The following FAM240B variants were observed in gnomAD, a reference collection of about 807,000 sequenced individuals.
FAM240B encodes the protein family with sequence similarity 240 member B, also known as protein FAM240B.
At chr9:38,699,086 A>G (rs1259069492) in intron 2 of FAM240B, among the ~76,000 whole-genome samples, 1 of 152,238 alleles carries the variant, frequency 6.6e-6, no homozygotes, top group African/African-American at 2.4e-5. Context: ...TTTTACCTTC[A>G]GCCTAGAAAT....
intron 2 of FAM240B, among the ~76,000 whole-genome samples, chr9:38,701,124 G>A (rs1335904545): frequency 1.3e-5 from 2 of 152,168 alleles, no homozygotes; most frequent in Non-Finnish European, 2.9e-5. Flanking sequence ...TTTTATAAAT[G>A]GAGGGTAGAA....
chr9:38,715,329 T>C (rs1171334967), intron 1 of FAM240B, among the ~76,000 whole-genome samples: 2 of 152,254 alleles, frequency 1.3e-5, no homozygotes, highest in Admixed American at 6.5e-5. Context: ...CAACATGTAC[T>C]TTCCCAATTA....
chr9:38,700,824 G>A (rs1821117443), intron 2 of FAM240B, among the ~76,000 whole-genome samples: 1 of 152,170 alleles, frequency 6.6e-6, no homozygotes, highest in African/African-American at 2.4e-5. Context: ...CTCACCCTGG[G>A]ACCTCTGCCA....
intron 1 of FAM240B, among the ~76,000 whole-genome samples, chr9:38,711,950 T>C (rs1002187483): frequency 8.6e-5 from 13 of 152,024 alleles, no homozygotes; most frequent in Non-Finnish European, 1.6e-4. Flanking sequence ...TCTTTTTAAC[T>C]TCCCCTCCAA....
At chr9:38,705,503 G>T (rs1396536465) in intron 1 of FAM240B, 1 of 148,662 alleles carries the variant, frequency 6.7e-6, no homozygotes, top group Non-Finnish European at 1.5e-5. Flanking sequence ...GCAGGAGAAC[G>T]GCGTGAACCT....
chr9:38,716,059 A>G (rs1318386055), intron 1 of FAM240B, among the ~76,000 whole-genome samples: 1 of 152,112 alleles, frequency 6.6e-6, no homozygotes, highest in Non-Finnish European at 1.5e-5. Flanking sequence ...GTTTGCCTCT[A>G]TGCCTGTTTG....
At chr9:38,715,962 C>G (rs1357378337) in intron 1 of FAM240B, among the ~76,000 whole-genome samples, 1 of 152,148 alleles carries the variant, frequency 6.6e-6, no homozygotes, top group African/African-American at 2.4e-5. Context: ...CCAGGCTGTT[C>G]AATTTGATGT....
chr9:38,700,720 A>T (rs1302923152), intron 2 of FAM240B, among the ~76,000 whole-genome samples: 1 of 152,126 alleles, frequency 6.6e-6, no homozygotes, highest in Non-Finnish European at 1.5e-5. Flanking sequence ...TCTTTGGGGG[A>T]CTAACCCATC....
At chr9:38,695,072 T>C (rs1002402330) in intron 2 of FAM240B, among the ~76,000 whole-genome samples, 10 of 152,146 alleles carry the variant, frequency 6.6e-5, no homozygotes, top group African/African-American at 2.4e-4. Flanking sequence ...TTTCCTATGT[T>C]AAGGGGAGGG....
At chr9:38,701,420 G>A (rs1189531553) in intron 2 of FAM240B, among the ~76,000 whole-genome samples, 1 of 152,204 alleles carries the variant, frequency 6.6e-6, no homozygotes, top group Non-Finnish European at 1.5e-5. Context: ...GTTCATGTGA[G>A]TTGTGTATGT....
chr9:38,697,084 G>A (rs1563998708), intron 2 of FAM240B, among the ~76,000 whole-genome samples: 1 of 152,132 alleles, frequency 6.6e-6, no homozygotes, highest in Non-Finnish European at 1.5e-5. Flanking sequence ...AATAAGGGCT[G>A]CTGCCTGGGT....
intron 1 of FAM240B, among the ~76,000 whole-genome samples, chr9:38,706,814 GAATTCTAATA>G (rs1452876510): frequency 6.6e-6 from 1 of 152,202 alleles, no homozygotes; most frequent in Non-Finnish European, 1.5e-5. Flanking sequence ...TCAGTGCACA[GAATTCTAATA>G]AATTTCTAGC....
intron 1 of FAM240B, among the ~76,000 whole-genome samples, chr9:38,718,135 T>C (rs553481589): frequency 1.8e-4 from 27 of 152,394 alleles, no homozygotes; most frequent in African/African-American, 6.5e-4. Context: ...TTCATGGTTG[T>C]GTAGTAATCT....
At chr9:38,709,610 C>T (rs1211264565) in intron 1 of FAM240B, among the ~76,000 whole-genome samples, 1 of 152,166 alleles carries the variant, frequency 6.6e-6, no homozygotes, top group Non-Finnish European at 1.5e-5. Context: ...AAGTTGTTCT[C>T]TCTGTGTGGT....
chr9:38,702,710 G>A (rs1361985579), intron 2 of FAM240B, among the ~76,000 whole-genome samples: 1 of 152,182 alleles, frequency 6.6e-6, no homozygotes, highest in East Asian at 1.9e-4. Flanking sequence ...TCACTTGCCA[G>A]TGAGGGAAAG....
intron 1 of FAM240B, among the ~76,000 whole-genome samples, chr9:38,713,726 C>G (rs1373284900): frequency 6.6e-6 from 1 of 152,038 alleles, no homozygotes; most frequent in Non-Finnish European, 1.5e-5. Context: ...GATGCGTCAA[C>G]TTCTCTCATG....
At chr9:38,710,818 A>G (rs1821246315) in intron 1 of FAM240B, among the ~76,000 whole-genome samples, 1 of 152,208 alleles carries the variant, frequency 6.6e-6, no homozygotes, top group African/African-American at 2.4e-5. Flanking sequence ...AAAGTGCTCT[A>G]CATCTCACCT....
intron 1 of FAM240B, among the ~76,000 whole-genome samples, chr9:38,708,643 T>C (rs1821218133): frequency 6.6e-6 from 1 of 152,140 alleles, no homozygotes; most frequent in South Asian, 2.1e-4. Flanking sequence ...TGTGGTAACA[T>C]ACAGGAAAGT....
intron 2 of FAM240B, among the ~76,000 whole-genome samples, chr9:38,701,359 C>T (rs1821125435): frequency 6.6e-6 from 1 of 152,098 alleles, no homozygotes; most frequent in South Asian, 2.1e-4. Context: ...CAAAGGGGGG[C>T]TCTGACATTT....
Sources: allele counts gnomAD v4.1 joint callset (sites outside exome capture counted in the v4.1 genomes callset), GRCh38; gene constraint gnomAD v4.1.1; transcripts MANE v1.5; gene names NCBI Gene and HGNC (gene_info 2026-07-23, HGNC 2026-07-21).